Variants in NAALADL2 observed in about 807,000 individuals in gnomAD.
NAALADL2 encodes N-acetylated alpha-linked acidic dipeptidase like 2.
In NAALADL2, 76 loss-of-function variants were observed where a neutral mutation model predicts 87.2. The observed-to-expected ratio is 0.87, with a 90% CI of 0.72 to 1.05. The LOEUF (loss-of-function observed/expected upper bound fraction) is 1.05. NAALADL2 is among the 50% of genes least tolerant of loss of function. The probability of loss-of-function intolerance (pLI) is 0.00; values close to 1 mark genes in which losing one functional copy is unlikely to be tolerated. For missense variants in NAALADL2, 1,089 were observed against 945.8 expected (o/e 1.15, Z -1.99); for synonymous variants, 354 against 331.0 (o/e 1.07, Z -0.75).
At chr3:175,133,812 A>G (rs1479948063) in intron 2 of NAALADL2, among the ~76,000 whole-genome samples, 1 of 152,134 alleles carries the variant, frequency 6.6e-6, no homozygotes, top group Non-Finnish European at 1.5e-5. Flanking sequence ...TTAATTTTTT[A>G]ATAGCTTGTG....
intron 3 of NAALADL2, among the ~76,000 whole-genome samples, chr3:175,238,414 A>G (rs1325503312): frequency 2.0e-5 from 3 of 152,198 alleles, no homozygotes; most frequent in Non-Finnish European, 4.4e-5. Context: ...ACAAAATGCA[A>G]TACGGATAAA....
At chr3:175,787,560 C>G (rs1000249097) in intron 13 of NAALADL2, among the ~76,000 whole-genome samples, 11 of 152,220 alleles carry the variant, frequency 7.2e-5, no homozygotes, top group Non-Finnish European at 1.5e-4. Context: ...ATGCCTCGCC[C>G]TGCTTCGGCT....
intron 2 of NAALADL2, among the ~76,000 whole-genome samples, chr3:174,667,083 T>C (rs974735191): frequency 2.6e-5 from 4 of 152,210 alleles, no homozygotes; most frequent in African/African-American, 9.6e-5. Context: ...ATTCATCCAT[T>C]GATGGACATT....
At chr3:175,749,486 C>G (rs377583161) in intron 12 of NAALADL2, among the ~76,000 whole-genome samples, 1 of 151,952 alleles carries the variant, frequency 6.6e-6, no homozygotes, top group Non-Finnish European at 1.5e-5. Flanking sequence ...CCAGTTTCTG[C>G]TTGTAAGAAG....
intron 11 of NAALADL2, among the ~76,000 whole-genome samples, chr3:175,678,508 A>G (rs1176514421): frequency 6.6e-6 from 1 of 152,212 alleles, no homozygotes; most frequent in Non-Finnish European, 1.5e-5. Context: ...GATTAAGAAA[A>G]TGTGGCACAG....
intron 1 of NAALADL2, among the ~76,000 whole-genome samples, chr3:175,047,737 T>G (rs530720824): frequency 6.6e-6 from 1 of 152,294 alleles, no homozygotes; most frequent in African/African-American, 2.4e-5. Flanking sequence ...AGAATAAAAT[T>G]AGCTGACACA....
At chr3:174,556,684 T>C (rs1184031746) in intron 2 of NAALADL2, among the ~76,000 whole-genome samples, 1 of 152,170 alleles carries the variant, frequency 6.6e-6, no homozygotes, top group East Asian at 1.9e-4. Context: ...TTTTTAAGAA[T>C]ATGTGTTCTT....
chr3:175,013,074 T>C (rs1456801584), intron 1 of NAALADL2, among the ~76,000 whole-genome samples: 5 of 103,062 alleles, frequency 4.9e-5, no homozygotes, highest in Non-Finnish European at 9.1e-5. Flanking sequence ...TATATATAAA[T>C]ATGTAATACA....
At chr3:175,432,280 A>T (rs1174343104) in intron 5 of NAALADL2, among the ~76,000 whole-genome samples, 1 of 152,042 alleles carries the variant, frequency 6.6e-6, no homozygotes, top group Non-Finnish European at 1.5e-5. Flanking sequence ...CACCTGGTAC[A>T]AATGGGATCT....
At chr3:174,870,530 C>G (rs1391495770) in intron 1 of NAALADL2, among the ~76,000 whole-genome samples, 2 of 151,892 alleles carry the variant, frequency 1.3e-5, no homozygotes, top group African/African-American at 2.4e-5. Context: ...TTTGGATAAT[C>G]CGTGATTGAC....
At position 175,537,178 on chromosome 3, in the gene NAALADL2, T is replaced by C. The variant is rs572569836; in HGVS notation, c.1654-38863T>C. ...ACTTGTTCAAGGATATAAAGGTTGT[T>C]GGCAAAGTAAGACCAGATTTGTCTG... On this transcript the variant is annotated intron_variant, in intron 9 of 13. Coordinates refer to ENST00000454872, the MANE Select transcript of NAALADL2 (RefSeq NM_207015.3). Among the ~76,000 whole-genome samples the C allele has an allele frequency of 2.0e-5, 3 of 152,230 alleles. No individual in the cohort carries two copies. In the East Asian group the frequency reaches 5.8e-4, roughly 29 times the overall value.
chr3:175,214,249 A>C (rs1481122598), intron 2 of NAALADL2, among the ~76,000 whole-genome samples: 1 of 151,856 alleles, frequency 6.6e-6, no homozygotes, highest in Non-Finnish European at 1.5e-5. Flanking sequence ...GAAAGTAATA[A>C]AAAAAAATTG....
intron 5 of NAALADL2, among the ~76,000 whole-genome samples, chr3:175,418,907 C>T (rs1364843659): frequency 5.9e-5 from 9 of 152,024 alleles, no homozygotes; most frequent in East Asian, 3.9e-4. Context: ...TTTGAACAGT[C>T]GAGAGCAACG....
intron 2 of NAALADL2, among the ~76,000 whole-genome samples, chr3:174,669,006 C>T (rs530974429): frequency 2.0e-5 from 3 of 152,142 alleles, no homozygotes; most frequent in Non-Finnish European, 4.4e-5. Flanking sequence ...CTGACTTCCA[C>T]AATGGTTGAA....
intron 1 of NAALADL2, among the ~76,000 whole-genome samples, chr3:174,496,336 G>A (rs1023899854): frequency 6.6e-6 from 1 of 151,912 alleles, no homozygotes; most frequent in Non-Finnish European, 1.5e-5. Context: ...ATTAGATGTT[G>A]GTAATATTTT....
chr3:174,753,483 A>G (rs1711546009), intron 3 of NAALADL2, among the ~76,000 whole-genome samples: 1 of 152,160 alleles, frequency 6.6e-6, no homozygotes, highest in African/African-American at 2.4e-5. Context: ...TTCGTTTCCA[A>G]GTTTTACATT....
At chr3:175,143,913 G>T (rs1248761149) in intron 2 of NAALADL2, among the ~76,000 whole-genome samples, 1 of 151,838 alleles carries the variant, frequency 6.6e-6, no homozygotes, top group Non-Finnish European at 1.5e-5. Flanking sequence ...ATGCTGGCTT[G>T]CTGTATGCAA....
chr3:174,521,526 C>A (rs1184864681), intron 1 of NAALADL2, among the ~76,000 whole-genome samples: 1 of 128,732 alleles, frequency 7.8e-6, no homozygotes, highest in Admixed American at 9.7e-5. Context: ...GAGCCAAGAT[C>A]GTGCCACTGC....
intron 1 of NAALADL2, among the ~76,000 whole-genome samples, chr3:175,091,973 T>C (rs1357828260): frequency 6.6e-6 from 1 of 151,952 alleles, no homozygotes; most frequent in Admixed American, 6.6e-5. Context: ...TAGTTAACCA[T>C]GTATTTTAAA....
Sources: allele counts gnomAD v4.1 joint callset (sites outside exome capture counted in the v4.1 genomes callset), GRCh38; gene constraint gnomAD v4.1.1; transcripts MANE v1.5; gene names NCBI Gene and HGNC (gene_info 2026-07-23, HGNC 2026-07-21).